The following ISM1 variants were observed in gnomAD, a reference collection of about 807,000 sequenced individuals.
ISM1 encodes isthmin 1.
ISM1 carries 25 observed loss-of-function variants against 46.3 expected under a neutral mutation model. The observed-to-expected ratio is 0.54, with a 90% confidence interval of 0.39 to 0.75. The LOEUF (loss-of-function observed/expected upper bound fraction) is 0.75, where lower values mean the gene tolerates loss of function less well. Ranked by LOEUF, ISM1 falls within the 30% of genes least tolerant of loss-of-function variation. The probability of loss-of-function intolerance (pLI) is 0.00; values close to 1 mark genes in which losing one functional copy is unlikely to be tolerated. For missense variants in ISM1, 536 were observed against 625.4 expected, an observed-to-expected ratio of 0.86 and a Z score of 1.52; for synonymous variants, 255 against 256.7, an observed-to-expected ratio of 0.99 and a Z score of 0.06.
the ISM1 span, among the ~76,000 whole-genome samples, chr20:13,306,564 C>CAAAAAAAAAAAAAAAAAAAAAAGGAA: frequency 1.6e-5 from 1 of 63,914 alleles, no homozygotes; most frequent in African/African-American, 7.2e-5. Context: ...GGAGAAAGGA[C>CAAAAAAAAAAAAAAAAAAAAAAGGAA]AAAAAAAAAA....
chr20:13,231,171 T>C (rs998375208), intron 1 of ISM1, among the ~76,000 whole-genome samples: 1 of 152,184 alleles, frequency 6.6e-6, no homozygotes, highest in Non-Finnish European at 1.5e-5. Flanking sequence ...GATACTCCTC[T>C]AGGTAGCAAC....
chr20:13,323,602 T>C, the ISM1 span, among the ~76,000 whole-genome samples: 1 of 152,236 alleles, frequency 6.6e-6, no homozygotes, highest in Non-Finnish European at 1.5e-5. Flanking sequence ...AGTATCTCAT[T>C]TAATCTTTAT....
rs1182969491 is a variant in ISM1 at position 13,243,421 on chromosome 20, T to G, written c.138+21507T>G. Among the ~76,000 whole-genome samples the G allele has an allele frequency of 2.6e-5, 4 of 152,178 alleles. No individual in the cohort carries two copies. The East Asian group carries it at 7.7e-4, about 29-fold the overall frequency. The stretch of plus-strand genomic sequence containing the variant: ...TTCCCTGATAAGGGTTGCCTCCAGC[T>G]TGGCACAAAGACACGTATTTTTGGT... On this transcript the variant is annotated intron_variant, in intron 1 of 5. Transcript: ENST00000262487.
At chr20:13,305,433 A>G (rs1464609757), downstream of ISM1, among the ~76,000 whole-genome samples, 1 of 152,158 alleles carries the variant, frequency 6.6e-6, no homozygotes, top group East Asian at 1.9e-4. Flanking sequence ...CCCGACACAC[A>G]AAGAGTTATG....
intron 1 of ISM1, among the ~76,000 whole-genome samples, chr20:13,267,801 A>AG (rs1188215001): frequency 6.6e-6 from 1 of 152,226 alleles, no homozygotes; most frequent in Non-Finnish European, 1.5e-5. Context: ...GGGAAAGGAA[A>AG]GAGAGCCTCA....
the ISM1 span, among the ~76,000 whole-genome samples, chr20:13,310,719 C>G: frequency 0.015 from 2,287 of 152,250 alleles, 30 homozygotes; most frequent in Middle Eastern, 0.054. Flanking sequence ...AACAACTTAA[C>G]AGCAAGAAAA....
intron 5 of ISM1, among the ~76,000 whole-genome samples, chr20:13,295,789 G>A (rs924524715): frequency 6.6e-6 from 1 of 152,212 alleles, no homozygotes; most frequent in Non-Finnish European, 1.5e-5. Context: ...CTTGTCGGGC[G>A]GTTCCCCTAC....
intron 3 of ISM1, among the ~76,000 whole-genome samples, chr20:13,288,024 C>T (rs2040312405): frequency 6.6e-6 from 1 of 152,198 alleles, no homozygotes; most frequent in South Asian, 2.1e-4. Context: ...TGGCTCCTCT[C>T]TGTCCATGTG....
intron 1 of ISM1, among the ~76,000 whole-genome samples, chr20:13,234,352 C>T (rs1038617330): frequency 6.6e-6 from 1 of 152,180 alleles, no homozygotes; most frequent in Admixed American, 6.5e-5. Flanking sequence ...CAGTCTTCCA[C>T]TGATGGACAT....
rs530028092 is a variant in ISM1, at chr20:13,299,367, G to C, written c.1303G>C (p.Glu435Gln). The C allele has an allele frequency of 6.2e-7, 1 of 1,613,794 alleles. No individual in the cohort carries two copies. The highest frequency in any genetic ancestry group is 2.2e-5 in the East Asian group (1 of 44,870). ...ICKGDWSRYN[E>Q]ARPPNNGQKC... ...CAAGGGTGACTGGAGCAGGTATAAC[G>C]AGGCCCGGCCTCCCAACAACGGACA... Residue 435 changes from glutamate to glutamine, a missense_variant, in exon 6 of 6, where the codon GAG becomes CAG. Physicochemically the swap from Glu to Gln is conservative, Grantham distance 29. Around this residue, in one of 2 missense-constraint regions of ISM1, gnomAD observed 169 missense variants for 249.3 expected, o/e 0.68. Transcript: ENST00000262487. This position sits in a 1 kb window ranked among gnomAD's most constrained non-coding sequence, Gnocchi z 5.8.
intron 1 of ISM1, among the ~76,000 whole-genome samples, chr20:13,269,934 A>AGGAT (rs60897306): frequency 1.9e-3 from 282 of 149,908 alleles, no homozygotes; most frequent in Middle Eastern, 3.4e-3. Flanking sequence ...TGTGGGTGGA[A>AGGAT]GGATGGATGG....
intron 1 of ISM1, among the ~76,000 whole-genome samples, chr20:13,225,253 T>C (rs2123121343): frequency 6.6e-6 from 1 of 152,264 alleles, no homozygotes; most frequent in Non-Finnish European, 1.5e-5. Context: ...TTGCCCAAGG[T>C]TGCACAGCTA....
Position 13,299,395 on chromosome 20 carries a change from A to G in ISM1, c.1331A>G (p.Lys444Arg), listed in dbSNP as rs61748835. The change falls in exon 6 of 6, where the codon AAG becomes AGG. Residue 444 changes from lysine (K) to arginine (R), a missense_variant. Lys to Arg is a conservative substitution (Grantham distance 26). Around this residue, in one of 2 missense-constraint regions of ISM1, gnomAD observed 169 missense variants for 249.3 expected, o/e 0.68. Coordinates refer to ENST00000262487, the MANE Select transcript of ISM1 (RefSeq NM_080826.2). This position sits in a 1 kb window ranked among gnomAD's most constrained non-coding sequence, Gnocchi z 5.8. ...GCCCGGCCTCCCAACAACGGACAGA[A>G]GTGCACAGAGAGCCCCTCGGACGAG... ...NEARPPNNGQKCTESPSDEDY... is the reference protein window; with the variant it reads ...NEARPPNNGQRCTESPSDEDY... 1,532 of 1,612,940 alleles carry G rather than the reference A, an allele frequency of 9.5e-4. 13 individuals are homozygous for G. The African/African-American group carries it at 0.017, about 18-fold the overall frequency.
At chr20:13,280,420 C>G (rs1359454928) in intron 3 of ISM1, among the ~76,000 whole-genome samples, 2 of 144,386 alleles carry the variant, frequency 1.4e-5, no homozygotes, top group Non-Finnish European at 3.1e-5. Flanking sequence ...TTTCAAAACT[C>G]CAAGTTGAGA....
intron 1 of ISM1, among the ~76,000 whole-genome samples, chr20:13,240,952 T>C (rs2039714225): frequency 6.6e-6 from 1 of 152,174 alleles, no homozygotes; most frequent in African/African-American, 2.4e-5. Context: ...TAAGTGAAGA[T>C]AATAGCAGGG....
At chr20:13,221,937 C>G (rs371037381) in intron 1 of ISM1, 23 bp downstream of exon 1, 7 of 1,315,790 alleles carry the variant, frequency 5.3e-6, no homozygotes, top group Non-Finnish European at 9.6e-7. Context: ...CCGGAGAGGG[C>G]CGTGCGCGGC....
intron 1 of ISM1, among the ~76,000 whole-genome samples, chr20:13,269,466 C>T (rs1184572288): frequency 6.6e-6 from 1 of 152,212 alleles, no homozygotes; most frequent in Non-Finnish European, 1.5e-5. Context: ...TTTTCTTTGG[C>T]TATTCCTGTC....
intron 1 of ISM1, among the ~76,000 whole-genome samples, chr20:13,234,811 T>C (rs1346293835): frequency 1.3e-5 from 2 of 152,378 alleles, no homozygotes; most frequent in South Asian, 2.1e-4. Flanking sequence ...CATTTGGTTT[T>C]TTCTTGCTGA....
At chr20:13,240,218 A>T (rs2039703253) in intron 1 of ISM1, among the ~76,000 whole-genome samples, 1 of 152,252 alleles carries the variant, frequency 6.6e-6, no homozygotes, top group Admixed American at 6.5e-5. Flanking sequence ...GATTCAATAG[A>T]GAACAAGCTT....
Sources: gnomAD v4.1 joint callset for allele counts (sites outside exome capture counted in the v4.1 genomes callset) on GRCh38, gnomAD v4.1.1 for gene constraint, gnomAD v4.1.1 regional missense constraint, Gnocchi (gnomAD v3.1) non-coding constraint, MANE v1.5 for transcripts, NCBI Gene and HGNC (gene_info 2026-07-23, HGNC 2026-07-21) for gene names.